SCHIP1: variants seen among roughly 807,000 people sequenced by gnomAD.
The protein encoded by SCHIP1 is schwannomin interacting protein 1.
SCHIP1 carries 8 observed loss-of-function variants against 29.7 expected under a neutral mutation model. The observed-to-expected ratio is 0.27, with a 90% CI of 0.16 to 0.49. The LOEUF is 0.49. SCHIP1 is among the 20% of genes least tolerant of loss of function. SCHIP1 has a pLI of 0.99. For missense variants in SCHIP1, 193 were observed against 294.6 expected (o/e 0.66, Z 2.52); for synonymous variants, 76 against 94.9 (o/e 0.80, Z 1.16).
chr3:159,539,754 TC>T, the SCHIP1 span, among the ~76,000 whole-genome samples: 1 of 135,294 alleles, frequency 7.4e-6, no homozygotes, highest in African/African-American at 2.5e-5. Context: ...CTGAGTGCTT[TC>T]CCCCCATTTT....
chr3:159,548,043 C>T, the SCHIP1 span, among the ~76,000 whole-genome samples: 1 of 151,982 alleles, frequency 6.6e-6, no homozygotes, highest in African/African-American at 2.4e-5. Flanking sequence ...TATTTTATAT[C>T]ATTATCCCTT....
chr3:159,334,901 T>A, the SCHIP1 span, among the ~76,000 whole-genome samples: 8 of 39,150 alleles, frequency 2.0e-4, no homozygotes, highest in Non-Finnish European at 2.9e-4. Flanking sequence ...CTTCTTCTTC[T>A]TTTTTTTTTT....
At chr3:159,537,394 C>G in the SCHIP1 span, among the ~76,000 whole-genome samples, 1 of 152,180 alleles carries the variant, frequency 6.6e-6, no homozygotes, top group Non-Finnish European at 1.5e-5. Context: ...CTCGCCCTCT[C>G]GACTTCCCTT....
the SCHIP1 span, among the ~76,000 whole-genome samples, chr3:159,300,461 A>G: frequency 3.9e-5 from 6 of 152,138 alleles, no homozygotes; most frequent in Non-Finnish European, 8.8e-5. Flanking sequence ...GCACCAGCCT[A>G]CATAGTAAAG....
chr3:159,526,523 A>C, the SCHIP1 span, among the ~76,000 whole-genome samples: 1 of 152,162 alleles, frequency 6.6e-6, no homozygotes, highest in Non-Finnish European at 1.5e-5. Flanking sequence ...TGGGTAGCAT[A>C]AATCATTTGT....
chr3:159,577,491 G>A, the SCHIP1 span, among the ~76,000 whole-genome samples: 1 of 152,188 alleles, frequency 6.6e-6, no homozygotes, highest in East Asian at 1.9e-4. Context: ...AAGAAAATTA[G>A]AGAAAGTACA....
At chr3:159,651,966 C>T in the SCHIP1 span, among the ~76,000 whole-genome samples, 11 of 152,032 alleles carry the variant, frequency 7.2e-5, no homozygotes, top group African/African-American at 2.4e-4. Flanking sequence ...CATGGTGGCA[C>T]GTGCCTGTAG....
chr3:159,612,533 G>C, the SCHIP1 span, among the ~76,000 whole-genome samples: 1 of 152,186 alleles, frequency 6.6e-6, no homozygotes, highest in African/African-American at 2.4e-5. Context: ...GATTACCTGA[G>C]GTCAGGAGTT....
the SCHIP1 span, among the ~76,000 whole-genome samples, chr3:159,541,217 A>C: frequency 6.6e-6 from 1 of 152,138 alleles, no homozygotes; most frequent in Non-Finnish European, 1.5e-5. Flanking sequence ...CTTGGGAGTT[A>C]GATGAAATTG....
chr3:159,485,861 C>A, the SCHIP1 span, among the ~76,000 whole-genome samples: 1 of 152,120 alleles, frequency 6.6e-6, no homozygotes, highest in South Asian at 2.1e-4. Flanking sequence ...TAGCTACAAA[C>A]CTCATCACTA....
the SCHIP1 span, among the ~76,000 whole-genome samples, chr3:159,370,908 G>A: frequency 6.6e-6 from 1 of 152,068 alleles, no homozygotes; most frequent in Non-Finnish European, 1.5e-5. Context: ...TACACAACCA[G>A]TTTTCTTAGT....
chr3:159,337,293 G>C, the SCHIP1 span, among the ~76,000 whole-genome samples: 1 of 152,102 alleles, frequency 6.6e-6, no homozygotes, highest in Non-Finnish European at 1.5e-5. Context: ...GCACAAGACA[G>C]GGATGCCCTC....
At chr3:159,542,402 G>A in the SCHIP1 span, among the ~76,000 whole-genome samples, 12 of 151,942 alleles carry the variant, frequency 7.9e-5, no homozygotes, top group East Asian at 1.9e-4. Flanking sequence ...ACTGATATGC[G>A]TTTCATCACT....
At chr3:159,465,642 C>A in the SCHIP1 span, among the ~76,000 whole-genome samples, 7 of 152,052 alleles carry the variant, frequency 4.6e-5, no homozygotes, top group Non-Finnish European at 7.4e-5. Flanking sequence ...ATAAATATTT[C>A]TATACACTTA....
the SCHIP1 span, among the ~76,000 whole-genome samples, chr3:159,327,050 C>G: frequency 6.6e-6 from 1 of 152,142 alleles, no homozygotes; most frequent in African/African-American, 2.4e-5. Context: ...GATTTATAAT[C>G]ATGAAGGTTT....
the SCHIP1 span, among the ~76,000 whole-genome samples, chr3:159,309,404 A>G: frequency 6.6e-6 from 1 of 152,138 alleles, no homozygotes; most frequent in Non-Finnish European, 1.5e-5. Context: ...TGAGGGACTG[A>G]CGCTTCTGTG....
chr3:159,580,551 T>A, the SCHIP1 span, among the ~76,000 whole-genome samples: 1 of 152,154 alleles, frequency 6.6e-6, no homozygotes, highest in Non-Finnish European at 1.5e-5. Context: ...CATAAAATAT[T>A]TATTGGATGA....
chr3:159,470,803 G>T, the SCHIP1 span, among the ~76,000 whole-genome samples: 1 of 151,742 alleles, frequency 6.6e-6, no homozygotes, highest in Non-Finnish European at 1.5e-5. Flanking sequence ...TCAATAAAAA[G>T]GAATGAAGTA....
chr3:159,369,870 A>T, the SCHIP1 span, among the ~76,000 whole-genome samples: 1 of 152,228 alleles, frequency 6.6e-6, no homozygotes, highest in African/African-American at 2.4e-5. Flanking sequence ...CTGGTCCTAG[A>T]CATAAGCAAT....
Sources: gnomAD v4.1 joint callset for allele counts (sites outside exome capture counted in the v4.1 genomes callset) on GRCh38, gnomAD v4.1.1 for gene constraint, MANE v1.5 for transcripts, NCBI Gene and HGNC (gene_info 2026-07-23, HGNC 2026-07-21) for gene names.